Variants in MKNK1 observed in about 807,000 individuals in gnomAD.
MKNK1 encodes the protein MAP kinase-interacting serine/threonine-protein kinase 1.
In MKNK1, 30 loss-of-function variants were observed where a neutral mutation model predicts 49.3. The ratio of observed to expected loss-of-function variants is 0.61; its 90% CI spans 0.46 to 0.83. The LOEUF is 0.83. Ranked by LOEUF, MKNK1 falls within the 40% of genes least tolerant of loss-of-function variation. The pLI is 0.00. For synonymous variants in MKNK1, 176 were observed against 201.7 expected, an observed-to-expected ratio of 0.87 and a Z score of 1.08; for missense variants, 423 against 524.7, an observed-to-expected ratio of 0.81 and a Z score of 1.89.
At chr1:46,562,140 A>T (rs1209942699) in intron 10 of MKNK1, among the ~76,000 whole-genome samples, 1 of 152,104 alleles carries the variant, frequency 6.6e-6, no homozygotes, top group Non-Finnish European at 1.5e-5. Flanking sequence ...TCACGCCTGT[A>T]ATCCCAGCAC....
At chr1:46,562,255 CGTG>C (rs1414637212) in intron 10 of MKNK1, among the ~76,000 whole-genome samples, 2 of 151,928 alleles carry the variant, frequency 1.3e-5, no homozygotes, top group African/African-American at 2.4e-5. Flanking sequence ...ATTAGCCAGA[CGTG>C]GTGGCCGGCG....
At chr1:46,579,046 C>T (rs754031903) in intron 4 of MKNK1, among the ~76,000 whole-genome samples, 9 of 152,128 alleles carry the variant, frequency 5.9e-5, no homozygotes, top group Admixed American at 1.3e-4. Flanking sequence ...GAGCCACATG[C>T]CTGGCCTAAT....
At chr1:46,588,613 T>C (rs1258026) in intron 2 of MKNK1, among the ~76,000 whole-genome samples, 5 of 152,086 alleles carry the variant, frequency 3.3e-5, no homozygotes, top group South Asian at 4.1e-4. Context: ...CGAGACCATC[T>C]TGGCTAACAC....
intron 2 of MKNK1, among the ~76,000 whole-genome samples, chr1:46,592,045 GC>G (rs1673414013): frequency 6.6e-6 from 1 of 152,168 alleles, no homozygotes; most frequent in Non-Finnish European, 1.5e-5. Context: ...TTCGAGCCCA[GC>G]CTGGCCAACA....
chr1:46,593,284 C>T (rs894754889), intron 2 of MKNK1, among the ~76,000 whole-genome samples: 9 of 152,288 alleles, frequency 5.9e-5, no homozygotes, highest in East Asian at 3.9e-4. Context: ...CTGCAGCCTC[C>T]GCCTCCCGGG....
chr1:46,559,214 GC>G (rs1206560382), intron 12 of MKNK1, among the ~76,000 whole-genome samples: 1 of 152,258 alleles, frequency 6.6e-6, no homozygotes, highest in East Asian at 1.9e-4. Flanking sequence ...CTAGCTCAGG[GC>G]TAGCGTGGAC....
At chr1:46,594,810 C>T in intron 1 of MKNK1, 1 of 389,188 alleles carries the variant, frequency 2.6e-6, no homozygotes, top group Non-Finnish European at 5.1e-6. Flanking sequence ...GCCTGGGCAA[C>T]ATGGTGAAAC....
At chr1:46,580,380 G>A in intron 4 of MKNK1, 150 bp downstream of exon 4, 2 of 636,288 alleles carry the variant, frequency 3.1e-6, no homozygotes, top group South Asian at 3.6e-5. Flanking sequence ...CTTGCCCGAG[G>A]TACACAGTAA....
chr1:46,597,871 T>C (rs1674277489), intron 1 of MKNK1, among the ~76,000 whole-genome samples: 1 of 152,126 alleles, frequency 6.6e-6, no homozygotes, highest in Admixed American at 6.5e-5. Flanking sequence ...TCTGGGTCAC[T>C]GCCACAAAGC....
intron 3 of MKNK1, chr1:46,582,982 AAAGG>A (rs1243152256): frequency 1.5e-6 from 1 of 650,574 alleles, no homozygotes; most frequent in Non-Finnish European, 2.8e-6. Flanking sequence ...TGCTCCCTGA[AAAGG>A]AAGCAGTACC....
chr1:46,601,799 C>T (rs1674761396), intron 1 of MKNK1, among the ~76,000 whole-genome samples: 1 of 152,130 alleles, frequency 6.6e-6, no homozygotes, highest in African/African-American at 2.4e-5. Flanking sequence ...ACTGAAGAGG[C>T]CTACTATGTG....
chr1:46,580,593 C>G lies in MKNK1; in HGVS notation c.135G>C (p.Glu45Asp). 1 of 1,614,064 alleles carries G rather than the reference C, an allele frequency of 6.2e-7. No homozygotes were observed. The highest frequency in any genetic ancestry group is 8.5e-7 in the Non-Finnish European group (1 of 1,179,928). ...MYKLTSELLG[E>D]GAYAKVQGAV... is the part of the protein sequence containing the mutation. ...CACCTTGAACTTTGGCATAGGCTCC[C>G]TCTCCAAGCAATTCAGAGGTCAGCT... The change falls in exon 4 of 13, where the codon GAG becomes GAC. Residue 45 changes from glutamate (E) to aspartate (D), a missense_variant. Transcript: ENST00000371945.
intron 10 of MKNK1, 100 bp downstream of exon 10, chr1:46,562,549 C>T: frequency 7.4e-7 from 1 of 1,351,774 alleles, no homozygotes. Context: ...GAGCCCCCAT[C>T]CCGATCAGGA....
chr1:46,579,489 C>T (rs892795455), intron 4 of MKNK1, among the ~76,000 whole-genome samples: 1 of 152,216 alleles, frequency 6.6e-6, no homozygotes. Flanking sequence ...TGTTAGAGCT[C>T]TAAGGGCTTC....
At chr1:46,569,963 C>T (rs1669810447) in intron 7 of MKNK1, 1 of 152,206 alleles carries the variant, frequency 6.6e-6, no homozygotes, top group African/African-American at 2.4e-5. Flanking sequence ...TCGAGCTGCT[C>T]CGGTTCATTT....
intron 2 of MKNK1, among the ~76,000 whole-genome samples, chr1:46,588,631 C>A (rs905634997): frequency 3.9e-5 from 6 of 151,982 alleles, no homozygotes; most frequent in Non-Finnish European, 7.4e-5. Flanking sequence ...CACGGTGAAA[C>A]CCCATCTCTA....
At chr1:46,599,497 T>C (rs563643361) in intron 1 of MKNK1, among the ~76,000 whole-genome samples, 19 of 152,138 alleles carry the variant, frequency 1.2e-4, no homozygotes, top group Non-Finnish European at 2.2e-4. Flanking sequence ...GCCAAAATGA[T>C]CACCTATTAA....
intron 2 of MKNK1, 129 bp downstream of exon 2, chr1:46,593,984 C>T (rs374106334): frequency 1.9e-5 from 13 of 689,354 alleles, no homozygotes; most frequent in African/African-American, 7.1e-5. Context: ...AGGGCAGCTC[C>T]GCTATTCCTA....
chr1:46,592,244 TAAAAAC>T (rs1252447575), intron 2 of MKNK1, among the ~76,000 whole-genome samples: 1 of 151,960 alleles, frequency 6.6e-6, no homozygotes, highest in Admixed American at 6.6e-5. Context: ...TATCTCAAAA[TAAAAAC>T]AAAAACAAAA....
Sources: allele counts gnomAD v4.1 joint callset (sites outside exome capture counted in the v4.1 genomes callset), GRCh38; gene constraint gnomAD v4.1.1; transcripts MANE v1.5; gene names NCBI Gene and HGNC (gene_info 2026-07-23, HGNC 2026-07-21).